Variants in HELQ observed in about 807,000 individuals in gnomAD.
HELQ encodes helicase POLQ-like.
HELQ carries 77 observed loss-of-function variants against 111.6 expected under a neutral mutation model. That is an observed-to-expected ratio of 0.69 (90% CI 0.57 to 0.83). The LOEUF (loss-of-function observed/expected upper bound fraction) is 0.83. Among genes scored for constraint, HELQ ranks in the 40% least tolerant of loss-of-function variants. The pLI is 0.00. For missense variants in HELQ, 1,200 were observed against 1,288.5 expected (o/e 0.93, Z 1.05); for synonymous variants, 438 against 454.7 (o/e 0.96, Z 0.47).
intron 9 of HELQ, 38 bp downstream of exon 9, chr4:83,436,820 A>G (rs1369454857): frequency 6.4e-7 from 1 of 1,567,690 alleles, no homozygotes; most frequent in Non-Finnish European, 8.6e-7. Context: ...TAGAAATGGA[A>G]AAGTTCTGAG....
At chr4:83,436,309 AT>A (rs1028595901) in intron 9 of HELQ, among the ~76,000 whole-genome samples, 2 of 152,120 alleles carry the variant, frequency 1.3e-5, no homozygotes, top group African/African-American at 2.4e-5. Context: ...GAAAATACAT[AT>A]TTTTTTAAAC....
chr4:83,427,766 G>T, intron 12 of HELQ, 46 bp from the exon 13 acceptor site: 1 of 1,337,032 alleles, frequency 7.5e-7, no homozygotes. Flanking sequence ...TTACCAGAGG[G>T]GCAAAGAGAT....
In HELQ at chr4:83,421,747, ACAAT is replaced by A. The variant is rs1413964412; in HGVS notation, c.2776-15_2776-12del. 2.5e-6 allele frequency: 4 copies of A among 1,607,802 alleles called. No individual in the cohort carries two copies. In the Middle Eastern group the frequency reaches 5.0e-4, roughly 200 times the overall value. ...GTTCTTGTCCACCTTCTAGAAAGAC[ACAAT>A]CAAATAAATTCGTTTACTAGACCTG... is the stretch of plus-strand genomic sequence containing the variant. On this transcript the variant is annotated splice_polypyrimidine_tract_variant and intron_variant, in intron 14 of 17. Coordinates refer to ENST00000295488, the MANE Select transcript of HELQ (RefSeq NM_133636.5).
chr4:83,453,101 G>T, intron 2 of HELQ, 130 bp downstream of exon 2: 1 of 621,862 alleles, frequency 1.6e-6, no homozygotes. Flanking sequence ...AAGGGGCTGA[G>T]AGATCACTGA....
At chr4:83,435,162 T>C (rs1211134329) in intron 9 of HELQ, among the ~76,000 whole-genome samples, 1 of 152,168 alleles carries the variant, frequency 6.6e-6, no homozygotes, top group Non-Finnish European at 1.5e-5. Context: ...CAGTTTCCCC[T>C]TCTATAATAG....
At chr4:83,421,783 A>T (rs1019400618) in intron 14 of HELQ, 47 bp from the exon 15 acceptor site, 2 of 1,437,768 alleles carry the variant, frequency 1.4e-6, no homozygotes, top group African/African-American at 2.8e-5. Flanking sequence ...CCTGCTAAAA[A>T]TGTATGTTAT....
At chr4:83,443,326 C>T (rs953624102) in intron 6 of HELQ, among the ~76,000 whole-genome samples, 191 bp downstream of exon 6, 3 of 152,080 alleles carry the variant, frequency 2.0e-5, no homozygotes, top group African/African-American at 7.2e-5. Context: ...GTGACCCAAC[C>T]CAAGATCCCT....
chr4:83,417,242 G>A (rs1205680222), intron 16 of HELQ, among the ~76,000 whole-genome samples: 1 of 139,014 alleles, frequency 7.2e-6, no homozygotes, highest in Non-Finnish European at 1.5e-5. Context: ...TTGCTCTGTT[G>A]CCCAGGCTGG....
At chr4:83,434,300 G>T (rs1465875024) in intron 9 of HELQ, among the ~76,000 whole-genome samples, 1 of 152,122 alleles carries the variant, frequency 6.6e-6, no homozygotes, top group Admixed American at 6.5e-5. Flanking sequence ...GAACCCAGGA[G>T]ACAGAGGTTG....
rs375130293 is a variant in HELQ, at chr4:83,429,641, C to G, written c.2401G>C (p.Glu801Gln). The change falls in exon 12 of 18, where the codon GAA becomes CAA. Residue 801 changes from glutamate (E) to glutamine (Q), a missense_variant. Glu to Gln is a conservative substitution (Grantham distance 29, BLOSUM62 2). Transcript: ENST00000295488. The part of the protein sequence containing the change: ...KEKSLWEITV[E>Q]SLRYLTEKGL... ...TTTTCTGTCAGGTATCTAAGTGATTCAACAGTTATTTCCCAGAGACTTTTT... is the reference window on the plus strand; with the variant it reads ...TTTTCTGTCAGGTATCTAAGTGATTGAACAGTTATTTCCCAGAGACTTTTT... 1.2e-6 allele frequency: 2 copies of G among 1,612,500 alleles called. No individual in the cohort carries two copies. The highest frequency in any genetic ancestry group is 1.7e-6 in the Non-Finnish European group (2 of 1,178,898).
intron 7 of HELQ, among the ~76,000 whole-genome samples, 197 bp from the exon 8 acceptor site, chr4:83,440,205 T>C (rs768394531): frequency 6.6e-6 from 1 of 152,222 alleles, no homozygotes; most frequent in East Asian, 1.9e-4. Flanking sequence ...TTTTAGGTTA[T>C]TATGATTTTC....
intron 14 of HELQ, among the ~76,000 whole-genome samples, chr4:83,424,346 G>A (rs1276714539): frequency 6.6e-6 from 1 of 152,090 alleles, no homozygotes; most frequent in Non-Finnish European, 1.5e-5. Flanking sequence ...GCATTTTGAA[G>A]GTCTAAACAG....
chr4:83,447,095 C>A, intron 3 of HELQ, 60 bp from the exon 4 acceptor site: 1 of 275,976 alleles, frequency 3.6e-6, no homozygotes, highest in Non-Finnish European at 5.3e-6. Flanking sequence ...TGCCTGTAAT[C>A]CCAGTACCTT....
chr4:83,430,941 C>G (rs757311439), intron 11 of HELQ, among the ~76,000 whole-genome samples: 1 of 152,134 alleles, frequency 6.6e-6, no homozygotes, highest in Non-Finnish European at 1.5e-5. Flanking sequence ...ATCATGTTAT[C>G]TTTCTATTCC....
intron 17 of HELQ, among the ~76,000 whole-genome samples, chr4:83,408,996 C>T (rs577935151): frequency 2.0e-5 from 3 of 152,032 alleles, no homozygotes; most frequent in Admixed American, 6.6e-5. Flanking sequence ...AAGGGAGGTG[C>T]CTTTTGGAAG....
intron 10 of HELQ, 58 bp downstream of exon 10, chr4:83,432,068 G>T: frequency 8.7e-7 from 1 of 1,147,854 alleles, no homozygotes. Context: ...TCATAAAAGG[G>T]CTAGACCAAC....
intron 9 of HELQ, among the ~76,000 whole-genome samples, chr4:83,436,316 T>A (rs1409550428): frequency 6.6e-6 from 1 of 152,160 alleles, no homozygotes; most frequent in Admixed American, 6.5e-5. Context: ...CATATTTTTT[T>A]AAACACTCAT....
At chr4:83,418,698 G>A (rs1473709053) in intron 15 of HELQ, among the ~76,000 whole-genome samples, 1 of 152,138 alleles carries the variant, frequency 6.6e-6, no homozygotes, top group Admixed American at 6.6e-5. Flanking sequence ...ATAGATATTT[G>A]CAATATTCTA....
At chr4:83,441,725 T>C (rs1011815528) in intron 6 of HELQ, among the ~76,000 whole-genome samples, 10 of 152,052 alleles carry the variant, frequency 6.6e-5, no homozygotes, top group Non-Finnish European at 1.5e-4. Context: ...TCTTAACTTT[T>C]ACTAAGGTAT....
Sources: gnomAD v4.1 joint callset for allele counts (sites outside exome capture counted in the v4.1 genomes callset) on GRCh38, gnomAD v4.1.1 for gene constraint, MANE v1.5 for transcripts, NCBI Gene and HGNC (gene_info 2026-07-23, HGNC 2026-07-21) for gene names.